LARGE1: variants seen among roughly 807,000 people sequenced by gnomAD.
The protein encoded by LARGE1 is LARGE xylosyl- and glucuronyltransferase 1.
A neutral mutation model predicts 87.6 loss-of-function variants in LARGE1; 43 were observed. That is an observed-to-expected ratio of 0.49 (90% CI 0.38 to 0.63). The LOEUF is 0.63. Among genes scored for constraint, LARGE1 ranks in the 30% least tolerant of loss-of-function variants. The pLI, the probability that LARGE1 is intolerant of heterozygous loss-of-function variation, is 0.00. For synonymous variants in LARGE1, 434 were observed against 394.6 expected (o/e 1.10, Z -1.18); for missense variants, 802 against 1,000.2 (o/e 0.80, Z 2.67).
chr22:33,827,824 C>T (rs1188043490), intron 1 of LARGE1, among the ~76,000 whole-genome samples: 1 of 152,158 alleles, frequency 6.6e-6, no homozygotes, highest in African/African-American at 2.4e-5. Flanking sequence ...GATTGCTGCC[C>T]TCCCCTCAAC....
intron 6 of LARGE1, among the ~76,000 whole-genome samples, chr22:33,510,853 C>G (rs1031256694): frequency 1.3e-5 from 2 of 152,176 alleles, no homozygotes; most frequent in African/African-American, 4.8e-5. Context: ...GCCCAAAGTG[C>G]TGGGATTACA....
At chr22:33,510,616 G>A (rs1055225496) in intron 6 of LARGE1, among the ~76,000 whole-genome samples, 2 of 152,118 alleles carry the variant, frequency 1.3e-5, no homozygotes, top group African/African-American at 4.8e-5. Flanking sequence ...ACTCCAGGAG[G>A]GTAGGCTGGG....
At chr22:33,087,914 A>G in the LARGE1 span, among the ~76,000 whole-genome samples, 2 of 152,204 alleles carry the variant, frequency 1.3e-5, no homozygotes, top group African/African-American at 4.8e-5. Flanking sequence ...AGCCTGGGCA[A>G]CAGAGTGAAA....
At chr22:33,569,320 C>T (rs994185551) in intron 5 of LARGE1, among the ~76,000 whole-genome samples, 6 of 152,196 alleles carry the variant, frequency 3.9e-5, no homozygotes, top group African/African-American at 1.4e-4. Context: ...ATTGCCCTGA[C>T]TCTCCGTTTT....
intron 11 of LARGE1, among the ~76,000 whole-genome samples, chr22:33,313,038 C>A (rs968889254): frequency 6.6e-6 from 1 of 152,114 alleles, no homozygotes; most frequent in Non-Finnish European, 1.5e-5. Flanking sequence ...ACACAGGATG[C>A]CAGATTTGAG....
At chr22:33,494,692 A>G (rs1042945250) in intron 6 of LARGE1, among the ~76,000 whole-genome samples, 3 of 152,222 alleles carry the variant, frequency 2.0e-5, no homozygotes, top group African/African-American at 7.2e-5. Flanking sequence ...GATGAGAAAC[A>G]TGAGGTTCTG....
At chr22:33,893,529 A>G (rs1174365110) in intron 1 of LARGE1, among the ~76,000 whole-genome samples, 1 of 152,224 alleles carries the variant, frequency 6.6e-6, no homozygotes, top group Non-Finnish European at 1.5e-5. Context: ...ATAGGAAAAA[A>G]CAGAGCAGGG....
intron 6 of LARGE1, among the ~76,000 whole-genome samples, chr22:33,474,318 C>G (rs2068981275): frequency 6.6e-6 from 1 of 152,164 alleles, no homozygotes; most frequent in South Asian, 2.1e-4. Flanking sequence ...CATGCACCAC[C>G]ATGCCTGGCT....
intron 2 of LARGE1, among the ~76,000 whole-genome samples, chr22:33,654,549 C>T (rs1198003125): frequency 6.6e-6 from 1 of 152,176 alleles, no homozygotes; most frequent in East Asian, 1.9e-4. Flanking sequence ...CCTGACTATT[C>T]CTTTTTCTGG....
At chr22:33,676,372 C>CCAAAA (rs2081577547) in intron 2 of LARGE1, among the ~76,000 whole-genome samples, 1 of 16,284 alleles carries the variant, frequency 6.1e-5, no homozygotes, top group Non-Finnish European at 1.4e-4. Flanking sequence ...GATTCAATGG[C>CCAAAA]AAAAAAAAAA....
intron 6 of LARGE1, among the ~76,000 whole-genome samples, chr22:33,530,398 C>T (rs1276828639): frequency 1.3e-5 from 2 of 149,934 alleles, no homozygotes; most frequent in African/African-American, 2.5e-5. Context: ...AATTTGGAAA[C>T]GTTAAGAAAA....
chr22:33,729,961 AGTGTGTGTGTGCGTGTGTGCATGC>A (rs1319722858), intron 2 of LARGE1, among the ~76,000 whole-genome samples: 1 of 151,954 alleles, frequency 6.6e-6, no homozygotes, highest in Non-Finnish European at 1.5e-5. Context: ...GCCCTCATGA[AGTGTGTGTGTGCGTGTGTGCATGC>A]GTGTGTGTGT....
At chr22:33,553,370 G>C (rs2077584890) in intron 6 of LARGE1, among the ~76,000 whole-genome samples, 1 of 151,406 alleles carries the variant, frequency 6.6e-6, no homozygotes, top group African/African-American at 2.4e-5. Context: ...AAAAAAAATA[G>C]CCAGACGTGG....
chr22:33,733,175 T>C (rs1446233269), intron 2 of LARGE1: 2 of 152,256 alleles, frequency 1.3e-5, no homozygotes, highest in Non-Finnish European at 2.9e-5. Flanking sequence ...ACAGAGTCCA[T>C]GGCAGAAGGC....
chr22:33,254,925 C>A (rs1360263078), intron 11 of LARGE1, among the ~76,000 whole-genome samples: 1 of 150,150 alleles, frequency 6.7e-6, no homozygotes, highest in Admixed American at 6.6e-5. Context: ...TCTGCATGGT[C>A]TACCTGTAGA....
At chr22:33,131,534 G>A in the LARGE1 span, among the ~76,000 whole-genome samples, 1 of 152,146 alleles carries the variant, frequency 6.6e-6, no homozygotes, top group Non-Finnish European at 1.5e-5. Flanking sequence ...CACATGGCTG[G>A]GGAGGCCTCA....
At chr22:33,822,766 G>A (rs1395940777) in intron 1 of LARGE1, among the ~76,000 whole-genome samples, 4 of 152,170 alleles carry the variant, frequency 2.6e-5, no homozygotes, top group Admixed American at 6.5e-5. Flanking sequence ...AGGGGAAGTC[G>A]TTAAGGCTAT....
Position 33,560,702 on chromosome 22 carries a change from GTCAGTGGACAGA to G in LARGE1, c.787+4134_787+4145del, listed in dbSNP as rs1031129706. Among the ~76,000 whole-genome samples the G allele has an allele frequency of 9.2e-5, 14 of 152,250 alleles. No homozygotes were observed. The South Asian group carries it at 2.3e-3, about 25-fold the overall frequency. On this transcript the variant is annotated intron_variant, in intron 6 of 14. Transcript: ENST00000397394. ...TTCTAAGTGCAGTACAGCCTCCTGG[GTCAGTGGACAGA>G]GCACAGACTCCAAAGCCGTATGGAT...
intron 6 of LARGE1, among the ~76,000 whole-genome samples, chr22:33,562,670 C>T (rs533298145): frequency 3.9e-5 from 6 of 152,258 alleles, no homozygotes; most frequent in African/African-American, 7.2e-5. Context: ...TTCCCTTCCA[C>T]GGATGATATC....
Sources: allele counts gnomAD v4.1 joint callset (sites outside exome capture counted in the v4.1 genomes callset), GRCh38; gene constraint gnomAD v4.1.1; transcripts MANE v1.5; gene names NCBI Gene and HGNC (gene_info 2026-07-23, HGNC 2026-07-21).